VASH2: variants seen among roughly 807,000 people sequenced by gnomAD.
VASH2 encodes the protein tubulinyl-Tyr carboxypeptidase 2.
A neutral mutation model predicts 37.2 loss-of-function variants in VASH2; 28 were observed. The ratio of observed to expected loss-of-function variants is 0.75; its 90% CI spans 0.56 to 1.03. VASH2 has a LOEUF of 1.03. VASH2 is among the 50% of genes least tolerant of loss of function. The pLI, the probability that VASH2 is intolerant of heterozygous loss-of-function variation, is 0.00. For synonymous variants in VASH2, 188 were observed against 174.7 expected (o/e 1.08, Z -0.60); for missense variants, 419 against 459.1 (o/e 0.91, Z 0.80).
chr1:212,961,022 G>C (rs974759711), intron 2 of VASH2, 144 bp from the exon 3 acceptor site: 34 of 728,652 alleles, frequency 4.7e-5, no homozygotes, highest in Non-Finnish European at 7.1e-5. Context: ...TGCTCAATCA[G>C]GTAACCACAC....
intron 2 of VASH2, among the ~76,000 whole-genome samples, chr1:212,955,102 C>G (rs1006971253): frequency 6.6e-6 from 1 of 152,198 alleles, no homozygotes; most frequent in Non-Finnish European, 1.5e-5. Context: ...AAATCAATAT[C>G]TTACTGAGGA....
At chr1:212,987,073 T>A (rs1403354692) in intron 7 of VASH2, among the ~76,000 whole-genome samples, 1 of 151,978 alleles carries the variant, frequency 6.6e-6, no homozygotes, top group Non-Finnish European at 1.5e-5. Flanking sequence ...GTAGTGGAAT[T>A]GCTGGCAGAG....
rs60920030 is a variant in VASH2 at position 212,959,447 on chromosome 1, T to TCA, written c.277-1698_277-1697dup. Among the ~76,000 whole-genome samples, 1,257 of 150,768 alleles carry TCA rather than the reference T, an allele frequency of 8.3e-3. 13 individuals carry two copies. Among genetic ancestry groups the TCA allele is most frequent in the African/African-American group, 0.024 (980 of 41,276 alleles). On this transcript the variant is annotated intron_variant, in intron 2 of 7. Coordinates refer to ENST00000517399, the MANE Select transcript of VASH2 (RefSeq NM_001301056.2). ...CACACACTCACATTCACACGCACATTCACACACACACACACACACACAATA... is the reference window on the plus strand; with the variant it reads ...CACACACTCACATTCACACGCACATTCACACACACACACACACACACACAATA...
At chr1:212,967,371 A>C in intron 5 of VASH2, 1 of 1,204,404 alleles carries the variant, frequency 8.3e-7, no homozygotes, top group African/African-American at 1.6e-5. Context: ...TTTGAGCCTG[A>C]TCTGCCACAA....
In VASH2 at chr1:212,972,162, G is replaced by T. The variant is rs1667030109; in HGVS notation, c.498-418G>T. 2.0e-5 allele frequency among the ~76,000 whole-genome samples: 3 copies of T among 152,274 alleles called. No homozygotes were observed. In the South Asian group the frequency reaches 6.2e-4, roughly 32 times the overall value. ...CCTTTACCAATTGACTTGGGGCGGG[G>T]CAGGGAGCAAGAATACCTAAGCTAG... On this transcript the variant is annotated intron_variant, in intron 5 of 7. Coordinates refer to ENST00000517399, the MANE Select transcript of VASH2 (RefSeq NM_001301056.2).
chr1:212,971,812 G>C lies in VASH2; in HGVS notation c.498-768G>C, dbSNP rs977477970. Among the ~76,000 whole-genome samples the C allele has an allele frequency of 1.3e-5, 2 of 152,080 alleles. No homozygotes were observed. The highest frequency in any genetic ancestry group is 2.9e-5 in the Non-Finnish European group (2 of 68,016). On this transcript the variant is annotated intron_variant, in intron 5 of 7. Coordinates refer to ENST00000517399, the MANE Select transcript of VASH2 (RefSeq NM_001301056.2). The surrounding 1 kb of genome is among the most constrained non-coding windows in gnomAD (Gnocchi z 4.0). ...CTGGCACCGAGAGCAGCCCTTTTAAGTGTAAGGCAGTGCACATCCACAATC... is the reference window on the plus strand; with the variant it reads ...CTGGCACCGAGAGCAGCCCTTTTAACTGTAAGGCAGTGCACATCCACAATC...
At chr1:212,973,101 G>T in intron 6 of VASH2, 140 bp downstream of exon 6, 1 of 1,078,684 alleles carries the variant, frequency 9.3e-7, no homozygotes, top group Non-Finnish European at 1.3e-6. Flanking sequence ...ACATACTACT[G>T]CAAAGAAAGC....
At chr1:212,987,374 G>A (rs867511903) in intron 7 of VASH2, among the ~76,000 whole-genome samples, 45 of 151,642 alleles carry the variant, frequency 3.0e-4, no homozygotes, top group Admixed American at 2.9e-3. Flanking sequence ...TCAGGAGTTC[G>A]AGACCAGCCT....
intron 5 of VASH2, chr1:212,969,206 T>C: frequency 1.0e-6 from 1 of 985,174 alleles, no homozygotes; most frequent in Non-Finnish European, 1.2e-6. Flanking sequence ...TTTTTTTTTT[T>C]TTTTGAGACG....
intron 7 of VASH2, among the ~76,000 whole-genome samples, chr1:212,981,300 G>C (rs1352957519): frequency 6.6e-6 from 1 of 152,238 alleles, no homozygotes; most frequent in South Asian, 2.1e-4. Context: ...GCAGCTGCCA[G>C]CACCGGTGCT....
In VASH2 at chr1:212,967,080, G is replaced by A. The variant is rs776188325; in HGVS notation, c.497+735G>A. On this transcript the variant is annotated intron_variant, in intron 5 of 7. Transcript: ENST00000517399. ...AATTCTAAGAGTGGCGTGTGGAGGAGACCAAGCAGTGGTGGTGTATCCTGA... is the reference window on the plus strand; with the variant it reads ...AATTCTAAGAGTGGCGTGTGGAGGAAACCAAGCAGTGGTGGTGTATCCTGA... 399 of 1,303,156 alleles carry A rather than the reference G, an allele frequency of 3.1e-4. 1 individual carries two copies. Among genetic ancestry groups the A allele is most frequent in the Admixed American group, 6.4e-4 (28 of 43,540 alleles). 80.7% of individuals were successfully genotyped at this position (1,303,156 alleles called of 1,614,324 possible). A position where few individuals can be genotyped will look rare whatever the true frequency, so the allele number is the denominator to read the frequency against.
chr1:212,959,703 G>A (rs1666611983), intron 2 of VASH2, among the ~76,000 whole-genome samples: 1 of 152,248 alleles, frequency 6.6e-6, no homozygotes, highest in African/African-American at 2.4e-5. Flanking sequence ...CTGGCGCCTG[G>A]AGAGTCAGGG....
Position 212,965,751 on chromosome 1 carries a change from A to C in VASH2, c.395A>C (p.Glu132Ala). 1 of 1,552,260 alleles carries C rather than the reference A, an allele frequency of 6.4e-7. No homozygotes were observed. Among genetic ancestry groups the C allele is most frequent in the Non-Finnish European group, 8.7e-7 (1 of 1,147,054 alleles). ...QYNHTGTQFFEIRKMRPLSGL... is the reference protein window; with the variant it reads ...QYNHTGTQFFAIRKMRPLSGL... ...AATCACACAGGGACCCAGTTCTTTG[A>C]AATTAGGAAAATGAGACCGCTGAGT... The change falls in exon 4 of 8, where the codon GAA becomes GCA. Residue 132 changes from glutamate (E) to alanine (A), a missense_variant. By Grantham distance (107) the Glu-to-Ala change is moderately radical. Transcript: ENST00000517399.
Position 212,956,619 on chromosome 1 carries a change from A to G in VASH2, c.277-4547A>G, listed in dbSNP as rs904762287. Reference sequence around the variant, plus strand: ...AGGGATATGCCCTGGGCTTTTCTTGAAAAGGTTGCACCAATTTATGTTTGC... The same window carrying G: ...AGGGATATGCCCTGGGCTTTTCTTGGAAAGGTTGCACCAATTTATGTTTGC... On this transcript the variant is annotated intron_variant, in intron 2 of 7. Coordinates refer to ENST00000517399, the MANE Select transcript of VASH2 (RefSeq NM_001301056.2). 2.0e-5 allele frequency among the ~76,000 whole-genome samples: 3 copies of G among 152,230 alleles called. No homozygotes were observed. The East Asian group carries it at 5.8e-4, about 29-fold the overall frequency.
chr1:212,973,497 T>C, intron 6 of VASH2: 1 of 1,290,782 alleles, frequency 7.7e-7, no homozygotes. Context: ...TGTGGACTTG[T>C]CATCTTCACT....
At chr1:212,966,847 C>T in intron 5 of VASH2, 1 of 349,026 alleles carries the variant, frequency 2.9e-6, no homozygotes, top group Non-Finnish European at 5.7e-6. Flanking sequence ...CTGACCTCAG[C>T]CTCCTGAGTA....
At position 212,964,347 on chromosome 1, in the gene VASH2, C is replaced by G. The variant is rs146964224; in HGVS notation, c.366-1375C>G. 8.4e-3 allele frequency among the ~76,000 whole-genome samples: 1,279 copies of G among 152,294 alleles called. 15 individuals carry two copies. Among genetic ancestry groups the G allele is most frequent in the East Asian group, 0.04 (207 of 5,184 alleles). On this transcript the variant is annotated intron_variant, in intron 3 of 7. Coordinates refer to ENST00000517399, the MANE Select transcript of VASH2 (RefSeq NM_001301056.2). ...AGGCGCCCCTGTCACTGTGGGGCAC[C>G]CATTGACTCTCCCATCCCCACCTGG... is the stretch of plus-strand genomic sequence containing the variant.
chr1:212,968,930 T>G (rs1300728053), intron 5 of VASH2: 14 of 985,270 alleles, frequency 1.4e-5, no homozygotes, highest in Non-Finnish European at 1.7e-5. Flanking sequence ...CCTTACACAA[T>G]AGTCTCATCC....
At chr1:212,952,457 G>T (rs1666344932) in intron 2 of VASH2, 1 of 152,452 alleles carries the variant, frequency 6.6e-6, no homozygotes, top group South Asian at 2.1e-4. Context: ...AAAAAAGAAA[G>T]ACTTTTGGCT....
Sources: gnomAD v4.1 joint callset for allele counts (sites outside exome capture counted in the v4.1 genomes callset) on GRCh38, gnomAD v4.1.1 for gene constraint, Gnocchi (gnomAD v3.1) non-coding constraint, MANE v1.5 for transcripts, NCBI Gene and HGNC (gene_info 2026-07-23, HGNC 2026-07-21) for gene names.